The following HAT1 variants were observed in gnomAD, a reference collection of about 807,000 sequenced individuals.
The protein encoded by HAT1 is histone acetyltransferase type B catalytic subunit.
Under a neutral mutation model 56.6 loss-of-function variants are expected in HAT1, and 20 were observed. The ratio of observed to expected loss-of-function variants is 0.35; its 90% CI spans 0.25 to 0.51. The LOEUF (loss-of-function observed/expected upper bound fraction) is 0.51, where lower values mean the gene tolerates loss of function less well. Among genes scored for constraint, HAT1 ranks in the 20% least tolerant of loss-of-function variants. The pLI is 0.95. For synonymous variants in HAT1, 146 were observed against 165.5 expected (o/e 0.88, Z 0.91); for missense variants, 408 against 504.3 (o/e 0.81, Z 1.83).
intron 2 of HAT1, among the ~76,000 whole-genome samples, chr2:171,942,677 G>A (rs1295455358): frequency 2.0e-5 from 3 of 152,060 alleles, no homozygotes; most frequent in African/African-American, 7.2e-5. Context: ...TTCACATTTT[G>A]TACATGTTCT....
chr2:171,928,690 T>G (rs981691812), intron 2 of HAT1, among the ~76,000 whole-genome samples: 2 of 152,156 alleles, frequency 1.3e-5, no homozygotes, highest in African/African-American at 4.8e-5. Context: ...TTTGTATTTT[T>G]AGGAGAGACG....
At chr2:171,940,554 A>G (rs1172382096) in intron 2 of HAT1, among the ~76,000 whole-genome samples, 1 of 152,252 alleles carries the variant, frequency 6.6e-6, no homozygotes, top group Non-Finnish European at 1.5e-5. Context: ...CAATTTGGTT[A>G]GCCATTAAGA....
At chr2:171,973,258 C>G (rs930259998) in intron 8 of HAT1, among the ~76,000 whole-genome samples, 5 of 152,114 alleles carry the variant, frequency 3.3e-5, no homozygotes, top group Non-Finnish European at 7.4e-5. Context: ...CACAGAGGCT[C>G]TGGCAAAGCA....
At chr2:171,978,922 CAAAAAAA>C (rs3838506) in intron 9 of HAT1, among the ~76,000 whole-genome samples, 2 of 69,174 alleles carry the variant, frequency 2.9e-5, no homozygotes, top group African/African-American at 1.2e-4. Context: ...CCCATTTCTA[CAAAAAAA>C]AAAAAAAAAA....
At chr2:171,945,485 C>A (rs1285419902) in intron 2 of HAT1, among the ~76,000 whole-genome samples, 5 of 145,660 alleles carry the variant, frequency 3.4e-5, no homozygotes, top group African/African-American at 1.3e-4. Flanking sequence ...AGCTAGCTAG[C>A]TAGCTATCTA....
At position 171,979,547 on chromosome 2, in the gene HAT1, C is replaced by T; in HGVS notation, c.1092+184C>T. Reference sequence around the variant, plus strand: ...TCATGGCCGGGCGTGGTGGCCCACACCTGTAATCCCAGCACTCAGGGAGGC... The same window carrying T: ...TCATGGCCGGGCGTGGTGGCCCACATCTGTAATCCCAGCACTCAGGGAGGC... On this transcript the variant is annotated intron_variant, in intron 10 of 10. Transcript: ENST00000264108. The T allele has an allele frequency of 6.2e-6, 3 of 480,212 alleles. No individual in the cohort carries two copies. The South Asian group carries it at 6.9e-5, about 11-fold the overall frequency. 29.7% of individuals were successfully genotyped at this position (480,212 alleles called of 1,614,324 possible). A position where few individuals can be genotyped will look rare whatever the true frequency, so the allele number is the denominator to read the frequency against.
chr2:171,936,504 G>A (rs1485473068), intron 2 of HAT1, among the ~76,000 whole-genome samples: 2 of 152,148 alleles, frequency 1.3e-5, no homozygotes, highest in Non-Finnish European at 2.9e-5. Flanking sequence ...TTGGGAAGGG[G>A]TGGGAAATTA....
In HAT1 at chr2:171,979,718, A is replaced by G. The variant is rs1161421669; in HGVS notation, c.1092+355A>G. The G allele has an allele frequency of 1.9e-5, 3 of 162,068 alleles. No homozygotes were observed. The East Asian group carries it at 5.4e-4, about 29-fold the overall frequency. 10.0% of individuals were successfully genotyped at this position (162,068 alleles called of 1,614,324 possible). ...GTGACTTGGGAGGCTGAAGCAGGAG[A>G]ATCGCTTGAATCCAGGAGGTGGAGG... is the stretch of plus-strand genomic sequence containing the variant. On this transcript the variant is annotated intron_variant, in intron 10 of 10. Transcript: ENST00000264108.
At chr2:171,978,540 T>C (rs1187271186) in intron 9 of HAT1, among the ~76,000 whole-genome samples, 2 of 151,834 alleles carry the variant, frequency 1.3e-5, no homozygotes, top group African/African-American at 4.9e-5. Flanking sequence ...CTCCCAAATC[T>C]CTCCTAGGCT....
At chr2:171,930,454 A>G (rs1686713376) in intron 2 of HAT1, among the ~76,000 whole-genome samples, 1 of 152,220 alleles carries the variant, frequency 6.6e-6, no homozygotes, top group Non-Finnish European at 1.5e-5. Context: ...GATGTGAGCC[A>G]CTGTGCCTGA....
At position 171,980,414 on chromosome 2, in the gene HAT1, T is replaced by A. The variant is rs1688103666; in HGVS notation, c.1092+1051T>A. 2.0e-5 allele frequency: 3 copies of A among 152,178 alleles called. No individual in the cohort carries two copies. In the South Asian group the frequency reaches 6.2e-4, roughly 31 times the overall value. The allele number at this position is 152,178 out of a possible 1,614,324, so 9.4% of individuals were successfully genotyped here. On this transcript the variant is annotated intron_variant, in intron 10 of 10. Transcript: ENST00000264108. ...GTACTTTACCATAGCCGAAACCATGTTAGTACTATTATATTTTTAAACATT... is the reference window on the plus strand; with the variant it reads ...GTACTTTACCATAGCCGAAACCATGATAGTACTATTATATTTTTAAACATT...
chr2:171,976,745 T>C (rs1160717804), intron 9 of HAT1, among the ~76,000 whole-genome samples: 2 of 152,202 alleles, frequency 1.3e-5, no homozygotes, highest in African/African-American at 4.8e-5. Context: ...TTAAGATAGG[T>C]ACAGAAAAAA....
Position 171,948,246 on chromosome 2 carries a change from A to G in HAT1, c.188+1463A>G, listed in dbSNP as rs575707775. ...AAAATTCAGGAAATTTAACATTGAT[A>G]CAGAGTCTCGCGTTGTTGCCCAGGC... On this transcript the variant is annotated intron_variant, in intron 3 of 10. Coordinates refer to ENST00000264108, the MANE Select transcript of HAT1 (RefSeq NM_003642.4). 1.2e-3 allele frequency among the ~76,000 whole-genome samples: 180 copies of G among 151,760 alleles called. 1 individual carries two copies. Among genetic ancestry groups the G allele is most frequent in the African/African-American group, 4.2e-3 (171 of 41,056 alleles).
intron 8 of HAT1, among the ~76,000 whole-genome samples, chr2:171,974,201 G>GAA (rs1323383820): frequency 1.3e-4 from 11 of 83,470 alleles, no homozygotes; most frequent in East Asian, 3.4e-4. Flanking sequence ...AAGAAAAAAA[G>GAA]AAAAAGAAAA....
chr2:171,952,816 G>A (rs1380164829), intron 3 of HAT1, 65 bp from the exon 4 acceptor site: 2 of 1,032,146 alleles, frequency 1.9e-6, no homozygotes, highest in Non-Finnish European at 2.8e-6. Flanking sequence ...TTGTTTATAT[G>A]TAGGGTTAAT....
intron 8 of HAT1, among the ~76,000 whole-genome samples, chr2:171,974,210 A>AAAAAAAAAAAAAAAG (rs1687905080): frequency 5.5e-5 from 4 of 72,692 alleles, no homozygotes; most frequent in African/African-American, 1.2e-4. Context: ...AGAAAAAGAA[A>AAAAAAAAAAAAAAAG]AAAAAAAAAA....
chr2:171,937,858 A>T (rs892408251), intron 2 of HAT1, among the ~76,000 whole-genome samples: 5 of 151,950 alleles, frequency 3.3e-5, no homozygotes, highest in Admixed American at 6.6e-5. Flanking sequence ...CTTGTCTCTT[A>T]AAAAAAATCA....
intron 2 of HAT1, among the ~76,000 whole-genome samples, chr2:171,940,179 T>C (rs1018834471): frequency 1.3e-5 from 2 of 152,228 alleles, no homozygotes; most frequent in South Asian, 2.1e-4. Context: ...TTCCCTGATA[T>C]GTAATCATTC....
intron 8 of HAT1, among the ~76,000 whole-genome samples, chr2:171,970,583 G>A (rs1468479452): frequency 5.9e-5 from 7 of 118,176 alleles, no homozygotes; most frequent in African/African-American, 1.4e-4. Context: ...GCAGTGGTGC[G>A]ATCTTGGTTC....
Sources: allele counts gnomAD v4.1 joint callset (sites outside exome capture counted in the v4.1 genomes callset), GRCh38; gene constraint gnomAD v4.1.1; transcripts MANE v1.5; gene names NCBI Gene and HGNC (gene_info 2026-07-23, HGNC 2026-07-21).